MTMR8: variants seen among roughly 807,000 people sequenced by gnomAD.
MTMR8 encodes the protein myotubularin related protein 8.
Under a neutral mutation model 39.3 loss-of-function variants are expected in MTMR8, and 65 were observed. The ratio of observed to expected loss-of-function variants is 1.65; its 90% CI spans 1.35 to 2.03. MTMR8 has a LOEUF of 2.03. Among genes scored for constraint, MTMR8 ranks in the 30% most tolerant of loss-of-function variants. The pLI is 0.00. For synonymous variants in MTMR8, 245 were observed against 185.2 expected (o/e 1.32, Z -2.62); for missense variants, 777 against 538.9 (o/e 1.44, Z -4.37).
chrX:64,282,220 G>T (rs1165499635), intron 12 of MTMR8, among the ~76,000 whole-genome samples: 4 of 111,348 alleles, frequency 3.6e-5, no homozygotes, highest in Non-Finnish European at 7.5e-5. Flanking sequence ...CCATTACTGG[G>T]TATATACCCA....
chrX:64,390,660 C>CT (rs376524501), intron 1 of MTMR8, among the ~76,000 whole-genome samples: 35 of 109,016 alleles, frequency 3.2e-4, no homozygotes, highest in East Asian at 5.8e-4. Flanking sequence ...AAAATTCACC[C>CT]TTTTTTTTTG....
chrX:64,301,856 G>T (rs1921890673), intron 12 of MTMR8, among the ~76,000 whole-genome samples: 1 of 111,893 alleles, frequency 8.9e-6, no homozygotes, highest in Non-Finnish European at 1.9e-5. Context: ...CTGCTGGGTG[G>T]TGCCTCCCAG....
At chrX:64,275,000 G>C (rs1602101370) in intron 12 of MTMR8, among the ~76,000 whole-genome samples, 1 of 111,349 alleles carries the variant, frequency 9.0e-6, no homozygotes, top group African/African-American at 3.3e-5. Context: ...TGGTGACCAT[G>C]GTTGACAATA....
At chrX:64,301,532 G>A (rs779459202) in intron 12 of MTMR8, among the ~76,000 whole-genome samples, 151 of 110,286 alleles carry the variant, frequency 1.4e-3, no homozygotes, top group Non-Finnish European at 2.2e-3. Flanking sequence ...ATGTCCTCCC[G>A]TAGCTCAGAG....
At chrX:64,301,959 C>T (rs964552693) in intron 12 of MTMR8, among the ~76,000 whole-genome samples, 1 of 112,085 alleles carries the variant, frequency 8.9e-6, no homozygotes, top group Non-Finnish European at 1.9e-5. Flanking sequence ...AGACCCACTG[C>T]TCTCTTCAAA....
intron 1 of MTMR8, among the ~76,000 whole-genome samples, chrX:64,386,392 G>A (rs895090835): frequency 8.9e-6 from 1 of 111,958 alleles, no homozygotes; most frequent in Non-Finnish European, 1.9e-5. Flanking sequence ...GTGGGACAAG[G>A]CCAGAGAAGG....
At chrX:64,391,684 G>C (rs1924694082) in intron 1 of MTMR8, among the ~76,000 whole-genome samples, 1 of 112,243 alleles carries the variant, frequency 8.9e-6, no homozygotes, top group African/African-American at 3.2e-5. Context: ...CCATGTGCCA[G>C]ACATTGTTCT....
intron 1 of MTMR8, among the ~76,000 whole-genome samples, chrX:64,362,798 T>C (rs747764650): frequency 4.5e-4 from 49 of 109,118 alleles, no homozygotes; most frequent in Non-Finnish European, 7.2e-4. Flanking sequence ...TTTTTAAAAA[T>C]TAATAAGAGA....
At chrX:64,302,298 C>T (rs1293696872) in intron 12 of MTMR8, among the ~76,000 whole-genome samples, 6 of 112,574 alleles carry the variant, frequency 5.3e-5, no homozygotes, top group Middle Eastern at 9.3e-3. Context: ...GTCTGAAAAG[C>T]GCAATATTCG....
At chrX:64,336,412 C>T (rs777950141) in intron 9 of MTMR8, among the ~76,000 whole-genome samples, 8 of 108,979 alleles carry the variant, frequency 7.3e-5, no homozygotes, top group East Asian at 2.9e-4. Flanking sequence ...CTGATAAGCA[C>T]GATATTAAAT....
At chrX:64,388,270 C>T (rs1924612011) in intron 1 of MTMR8, among the ~76,000 whole-genome samples, 1 of 111,931 alleles carries the variant, frequency 8.9e-6, no homozygotes, top group South Asian at 3.7e-4. Flanking sequence ...AAGTCCTGCC[C>T]CTTGTGTCAT....
chrX:64,379,341 C>G (rs977672217), intron 1 of MTMR8, among the ~76,000 whole-genome samples: 1 of 112,006 alleles, frequency 8.9e-6, no homozygotes, highest in African/African-American at 3.2e-5. Flanking sequence ...AAAGTACAGA[C>G]TAATATTTTT....
At chrX:64,346,783 G>T (rs1195472996) in intron 6 of MTMR8, among the ~76,000 whole-genome samples, 2 of 110,789 alleles carry the variant, frequency 1.8e-5, no homozygotes, top group African/African-American at 6.6e-5. Context: ...CAACCCTTTT[G>T]TTTCTTCAAA....
intron 1 of MTMR8, among the ~76,000 whole-genome samples, chrX:64,384,584 C>A (rs1283983379): frequency 1.8e-5 from 2 of 112,522 alleles, no homozygotes; most frequent in East Asian, 5.6e-4. Context: ...TGTGCCCCTG[C>A]AAGCTTAACA....
chrX:64,390,737 G>A (rs79831279), intron 1 of MTMR8, among the ~76,000 whole-genome samples: 3 of 110,419 alleles, frequency 2.7e-5, no homozygotes, highest in Non-Finnish European at 5.7e-5. Flanking sequence ...CTGCAGCCTC[G>A]ACCTCCCAGA....
rs775204511 is a variant in MTMR8 at position 64,337,241 on chromosome X, G to A, written c.1101+27C>T. 5 of 1,183,712 alleles carry A rather than the reference G, an allele frequency of 4.2e-6. No individual in the cohort carries two copies. In the Middle Eastern group the frequency reaches 7.2e-4, roughly 170 times the overall value. On this transcript the variant is annotated intron_variant, in intron 9 of 13. Transcript: ENST00000374852. ...TGTCGCAATCTGTCTCTTACACAAA[G>A]TAAAATATAGTAGCGTGCTCTCTTA...
chrX:64,293,354 C>G (rs1186390769), intron 12 of MTMR8, among the ~76,000 whole-genome samples: 1 of 111,068 alleles, frequency 9.0e-6, no homozygotes, highest in Non-Finnish European at 1.9e-5. Flanking sequence ...TATGCTGCAC[C>G]CTTCTAGACC....
intron 1 of MTMR8, among the ~76,000 whole-genome samples, chrX:64,384,294 A>G (rs752733277): frequency 1.8e-5 from 2 of 111,073 alleles, no homozygotes; most frequent in East Asian, 5.7e-4. Flanking sequence ...GTTGTAGGTG[A>G]ATGCCTCCAG....
intron 4 of MTMR8, among the ~76,000 whole-genome samples, chrX:64,354,421 C>T (rs1923568407): frequency 9.0e-6 from 1 of 110,684 alleles, no homozygotes; most frequent in Non-Finnish European, 1.9e-5. Context: ...CACATGTACC[C>T]TATAAATATG....
Sources: gnomAD v4.1 joint callset for allele counts (sites outside exome capture counted in the v4.1 genomes callset) on GRCh38, gnomAD v4.1.1 for gene constraint, MANE v1.5 for transcripts, NCBI Gene and HGNC (gene_info 2026-07-23, HGNC 2026-07-21) for gene names.